Variants in DOK5 observed in about 807,000 individuals in gnomAD.
DOK5 encodes the protein downstream of tyrosine kinase 5.
A neutral mutation model predicts 43.3 loss-of-function variants in DOK5; 27 were observed. The observed-to-expected ratio is 0.62, with a 90% CI of 0.46 to 0.86. The LOEUF (loss-of-function observed/expected upper bound fraction) is 0.86, where lower values mean the gene tolerates loss of function less well. Among genes scored for constraint, DOK5 ranks in the 40% least tolerant of loss-of-function variants. DOK5 has a pLI of 0.00. For synonymous variants in DOK5, 146 were observed against 140.1 expected, an observed-to-expected ratio of 1.04 and a Z score of -0.30; for missense variants, 373 against 392.9, an observed-to-expected ratio of 0.95 and a Z score of 0.43.
chr20:54,488,133 G>A (rs1982014343), intron 1 of DOK5, among the ~76,000 whole-genome samples: 1 of 152,196 alleles, frequency 6.6e-6, no homozygotes. Flanking sequence ...ATCTGTGTAA[G>A]AGCCACTTTT....
In DOK5 at chr20:54,588,583, T is replaced by C; in HGVS notation, c.275T>C (p.Phe92Ser). 1 of 1,614,168 alleles carries C rather than the reference T, an allele frequency of 6.2e-7. No individual in the cohort carries two copies. The highest frequency in any genetic ancestry group is 1.1e-5 in the South Asian group (1 of 91,080). The change falls in exon 3 of 8, where the codon TTT becomes TCT. Residue 92 changes from phenylalanine (F) to serine (S), a missense_variant. Coordinates refer to ENST00000262593, the MANE Select transcript of DOK5 (RefSeq NM_018431.5). Reference protein sequence around the residue: ...IYFNDDTSKTFACESDLEADE... With the variant: ...IYFNDDTSKTSACESDLEADE... ...TTCAATGACGATACCTCCAAGACTT[T>C]TGCTTGCGAATCAGGTTTGTCTCAG...
intron 1 of DOK5, among the ~76,000 whole-genome samples, chr20:54,500,640 C>T (rs1013649716): frequency 6.7e-6 from 1 of 149,830 alleles, no homozygotes; most frequent in Admixed American, 6.7e-5. Flanking sequence ...CGGCTCACCA[C>T]AACCTCTACC....
chr20:54,588,137 A>G (rs956806922), intron 2 of DOK5, among the ~76,000 whole-genome samples: 1 of 152,184 alleles, frequency 6.6e-6, no homozygotes, highest in Non-Finnish European at 1.5e-5. Flanking sequence ...AGAGACCGAA[A>G]CAGACATAAG....
chr20:54,616,771 TTTTTTTTTTTTTC>T (rs1160006125), intron 6 of DOK5, among the ~76,000 whole-genome samples: 28 of 56,184 alleles, frequency 5.0e-4, no homozygotes, highest in African/African-American at 4.2e-3. Context: ...ATCCACTTTC[TTTTTTTTTTTTTC>T]TTTTTTTTTT....
At chr20:54,578,988 A>G (rs746425975) in intron 2 of DOK5, among the ~76,000 whole-genome samples, 2 of 152,218 alleles carry the variant, frequency 1.3e-5, no homozygotes, top group African/African-American at 2.4e-5. Context: ...GGGTGATTAT[A>G]TGACATTATT....
At chr20:54,541,124 T>G (rs1049932749) in intron 1 of DOK5, among the ~76,000 whole-genome samples, 4 of 152,182 alleles carry the variant, frequency 2.6e-5, no homozygotes, top group African/African-American at 9.7e-5. Flanking sequence ...GAGCTAAACA[T>G]TTTGGAATCA....
rs1555839841 is a variant in DOK5, at chr20:54,644,723, A to AAACAAAAAAAAACAC, written c.856+1146_856+1147insACAAAAAAAAACACA. ...TCCGTCTCAAAAAAAAAAAAAAAAA[A>AAACAAAAAAAAACAC]ACAAAATTTAGCTGGGCGTGGTGGC... On this transcript the variant is annotated intron_variant, in intron 7 of 7. Coordinates refer to ENST00000262593, the MANE Select transcript of DOK5 (RefSeq NM_018431.5). 2.7e-3 allele frequency among the ~76,000 whole-genome samples: 378 copies of AAACAAAAAAAAACAC among 142,416 alleles called. 5 individuals are homozygous for AAACAAAAAAAAACAC. The highest frequency in any genetic ancestry group is 4.3e-3 in the Admixed American group (62 of 14,570). The allele number at this position is 142,416 out of a possible 152,430, so 93.4% of individuals were successfully genotyped here.
intron 2 of DOK5, among the ~76,000 whole-genome samples, chr20:54,577,557 A>G (rs1269092846): frequency 2.0e-5 from 3 of 152,260 alleles, no homozygotes; most frequent in East Asian, 3.8e-4. Context: ...TTGTTACACA[A>G]TGGGATTTGA....
rs139777857 is a variant in DOK5, at chr20:54,554,029, A to C, written c.67-904A>C. 1.8e-4 allele frequency among the ~76,000 whole-genome samples: 28 copies of C among 152,162 alleles called. No homozygotes were observed. In the East Asian group the frequency reaches 5.4e-3, roughly 29 times the overall value. On this transcript the variant is annotated intron_variant, in intron 1 of 7. Transcript: ENST00000262593. ...GCATTTTCTCTCTCTGGCATTATTA[A>C]TATTTTAATGTGCTAGTGTACCTTT...
intron 1 of DOK5, among the ~76,000 whole-genome samples, chr20:54,508,064 C>T (rs989324894): frequency 6.6e-6 from 1 of 152,130 alleles, no homozygotes; most frequent in Non-Finnish European, 1.5e-5. Flanking sequence ...TCGAAGATGG[C>T]TTGGAGGAAA....
chr20:54,561,218 T>G (rs1984893673), intron 2 of DOK5, among the ~76,000 whole-genome samples: 1 of 152,196 alleles, frequency 6.6e-6, no homozygotes, highest in South Asian at 2.1e-4. Context: ...TCTGCCTGGA[T>G]GCACTGGTCA....
At chr20:54,630,021 G>A (rs1600751243) in intron 6 of DOK5, among the ~76,000 whole-genome samples, 1 of 152,226 alleles carries the variant, frequency 6.6e-6, no homozygotes, top group East Asian at 1.9e-4. Flanking sequence ...TTTCCTTGGG[G>A]AGAGTTGCGT....
chr20:54,488,351 C>T (rs1982024367), intron 1 of DOK5, among the ~76,000 whole-genome samples: 1 of 152,232 alleles, frequency 6.6e-6, no homozygotes, highest in Non-Finnish European at 1.5e-5. Flanking sequence ...CTGATTTTCT[C>T]CTGGCTGGCT....
chr20:54,501,908 T>C (rs1982623608), intron 1 of DOK5, among the ~76,000 whole-genome samples: 1 of 152,252 alleles, frequency 6.6e-6, no homozygotes, highest in Non-Finnish European at 1.5e-5. Flanking sequence ...GCAAATTTTA[T>C]TTCCTCGGTT....
chr20:54,515,951 C>T (rs867584133), intron 1 of DOK5, among the ~76,000 whole-genome samples: 1 of 152,336 alleles, frequency 6.6e-6, no homozygotes, highest in Non-Finnish European at 1.5e-5. Flanking sequence ...TAGCTGACAG[C>T]AGTCCCTGAT....
chr20:54,619,026 TATATATATATATATATA>T (rs1568814419), intron 6 of DOK5, among the ~76,000 whole-genome samples: 2,152 of 42,802 alleles, frequency 0.05, 154 homozygotes, highest in African/African-American at 0.1. Context: ...CAATAAATTA[TATATATATATATATATA>T]TATATATATA....
chr20:54,614,231 AG>A (rs1287819487), intron 6 of DOK5, among the ~76,000 whole-genome samples: 5 of 152,152 alleles, frequency 3.3e-5, no homozygotes, highest in Non-Finnish European at 5.9e-5. Context: ...GCAGCCTTCC[AG>A]GAAGACTTTC....
In DOK5 at chr20:54,548,761, G is replaced by C. The variant is rs1229704213; in HGVS notation, c.67-6172G>C. 3.3e-5 allele frequency among the ~76,000 whole-genome samples: 5 copies of C among 152,284 alleles called. No homozygotes were observed. The East Asian group carries it at 9.6e-4, about 29-fold the overall frequency. On this transcript the variant is annotated intron_variant, in intron 1 of 7. Transcript: ENST00000262593. ...AAGCGAATGGGATTATTTTCAAACT[G>C]TCATTCTTTGAAACAATGCCAGTGT...
intron 5 of DOK5, among the ~76,000 whole-genome samples, chr20:54,594,675 A>T (rs2146774202): frequency 6.6e-6 from 1 of 152,300 alleles, no homozygotes; most frequent in Admixed American, 6.5e-5. Context: ...AATATTTTAA[A>T]ATCTTTTTTT....
Sources: allele counts gnomAD v4.1 joint callset (sites outside exome capture counted in the v4.1 genomes callset), GRCh38; gene constraint gnomAD v4.1.1; transcripts MANE v1.5; gene names NCBI Gene and HGNC (gene_info 2026-07-23, HGNC 2026-07-21).